Variants in ARHGAP26 observed in about 807,000 individuals in gnomAD.
ARHGAP26 encodes the protein Rho GTPase activating protein 26.
In ARHGAP26, 38 loss-of-function variants were observed where a neutral mutation model predicts 104.8. That is an observed-to-expected ratio of 0.36 (90% CI 0.28 to 0.48). The LOEUF is 0.48. Ranked by LOEUF, ARHGAP26 falls within the 20% of genes least tolerant of loss-of-function variation. The probability of loss-of-function intolerance (pLI) is 0.99; values close to 1 mark genes in which losing one functional copy is unlikely to be tolerated. For missense variants in ARHGAP26, 704 were observed against 947.9 expected (o/e 0.74, Z 3.38); for synonymous variants, 341 against 340.0 (o/e 1.00, Z -0.03).
intron 1 of ARHGAP26, among the ~76,000 whole-genome samples, chr5:142,852,886 A>C (rs182156076): frequency 6.6e-5 from 10 of 152,348 alleles, no homozygotes; most frequent in Admixed American, 6.5e-4. Context: ...CTGTCTCTGC[A>C]TGTCCTGTTG....
intron 17 of ARHGAP26, among the ~76,000 whole-genome samples, chr5:143,073,262 A>T (rs1156932227): frequency 6.6e-6 from 1 of 152,184 alleles, no homozygotes; most frequent in East Asian, 1.9e-4. Flanking sequence ...CAAAGCAAAA[A>T]TTGTAAGTTA....
chr5:142,996,405 A>G (rs1211210035), intron 11 of ARHGAP26, among the ~76,000 whole-genome samples: 2 of 152,128 alleles, frequency 1.3e-5, no homozygotes, highest in African/African-American at 4.8e-5. Flanking sequence ...AGGCAGGAGA[A>G]TTGCTTGAAC....
At chr5:143,149,782 G>GT (rs1562511134) in intron 20 of ARHGAP26, among the ~76,000 whole-genome samples, 1 of 152,156 alleles carries the variant, frequency 6.6e-6, no homozygotes, top group East Asian at 1.9e-4. Context: ...GAACAAAGGT[G>GT]GGCTGGGAGG....
At chr5:142,796,650 G>A (rs765819694) in intron 1 of ARHGAP26, among the ~76,000 whole-genome samples, 7 of 152,214 alleles carry the variant, frequency 4.6e-5, no homozygotes, top group East Asian at 1.9e-4. Flanking sequence ...AAGTTCAGAC[G>A]TCTTGATAGG....
intron 11 of ARHGAP26, among the ~76,000 whole-genome samples, chr5:142,979,426 A>G (rs1034837977): frequency 3.9e-5 from 6 of 152,216 alleles, no homozygotes; most frequent in African/African-American, 1.4e-4. Flanking sequence ...CAGAAAGTGG[A>G]TTCTTCCACC....
At chr5:142,786,126 A>T (rs867079853) in intron 1 of ARHGAP26, among the ~76,000 whole-genome samples, 1 of 150,292 alleles carries the variant, frequency 6.7e-6, no homozygotes, top group Non-Finnish European at 1.5e-5. Flanking sequence ...TTTTGCCACT[A>T]TGCCTGGCTA....
intron 17 of ARHGAP26, 64 bp downstream of exon 17, chr5:143,057,811 G>A: frequency 7.4e-7 from 1 of 1,358,312 alleles, no homozygotes; most frequent in Non-Finnish European, 1.1e-6. Context: ...TAGCAGTGAA[G>A]CTGGTCTCAG....
chr5:142,876,089 A>T (rs1756044101), intron 3 of ARHGAP26, among the ~76,000 whole-genome samples: 1 of 152,182 alleles, frequency 6.6e-6, no homozygotes, highest in East Asian at 1.9e-4. Flanking sequence ...TTCCACATCT[A>T]CAGGAAGTTC....
chr5:142,926,810 T>G (rs1763973208), intron 10 of ARHGAP26, among the ~76,000 whole-genome samples: 1 of 152,204 alleles, frequency 6.6e-6, no homozygotes, highest in Non-Finnish European at 1.5e-5. Flanking sequence ...AGCCGTAATT[T>G]TAACCTTACC....
chr5:143,099,539 C>T (rs1792909245), intron 17 of ARHGAP26, among the ~76,000 whole-genome samples: 1 of 152,216 alleles, frequency 6.6e-6, no homozygotes, highest in Non-Finnish European at 1.5e-5. Flanking sequence ...ATTTATTTTT[C>T]TATCTCAGCC....
At chr5:142,855,233 G>A (rs1445745841) in intron 1 of ARHGAP26, among the ~76,000 whole-genome samples, 1 of 152,182 alleles carries the variant, frequency 6.6e-6, no homozygotes, top group Non-Finnish European at 1.5e-5. Flanking sequence ...AGAAAGGGCA[G>A]GGGTGGGAAG....
At chr5:142,857,543 A>C (rs534047366) in intron 1 of ARHGAP26, among the ~76,000 whole-genome samples, 1 of 152,276 alleles carries the variant, frequency 6.6e-6, no homozygotes, top group East Asian at 1.9e-4. Context: ...TCCCTCCTGC[A>C]GCAAGGGAAG....
chr5:143,106,081 T>C (rs997194906), intron 17 of ARHGAP26, among the ~76,000 whole-genome samples: 1 of 152,198 alleles, frequency 6.6e-6, no homozygotes, highest in African/African-American at 2.4e-5. Flanking sequence ...ACTTTTTCTT[T>C]TGTTGTTTGT....
At chr5:142,836,781 C>T (rs1769661991) in intron 1 of ARHGAP26, among the ~76,000 whole-genome samples, 1 of 152,160 alleles carries the variant, frequency 6.6e-6, no homozygotes, top group African/African-American at 2.4e-5. Flanking sequence ...GGATCAGATA[C>T]CATACTAGGC....
At chr5:143,114,359 A>C (rs1795154622) in intron 17 of ARHGAP26, among the ~76,000 whole-genome samples, 1 of 152,176 alleles carries the variant, frequency 6.6e-6, no homozygotes, top group Admixed American at 6.5e-5. Context: ...CACCGAGTCC[A>C]GGTAGTATTC....
intron 12 of ARHGAP26, among the ~76,000 whole-genome samples, chr5:143,021,613 G>A (rs1187937367): frequency 6.6e-6 from 1 of 152,190 alleles, no homozygotes; most frequent in Admixed American, 6.5e-5. Context: ...CTTTGGACAG[G>A]TGGTGCGCCT....
At chr5:143,173,591 A>G (rs1803085701) in intron 20 of ARHGAP26, among the ~76,000 whole-genome samples, 1 of 152,214 alleles carries the variant, frequency 6.6e-6, no homozygotes, top group African/African-American at 2.4e-5. Flanking sequence ...TAATCCTCAC[A>G]GTCACTTCTG....
chr5:143,123,475 G>C (rs1336631752), intron 18 of ARHGAP26, among the ~76,000 whole-genome samples: 1 of 152,158 alleles, frequency 6.6e-6, no homozygotes, highest in East Asian at 1.9e-4. Flanking sequence ...TAAACTCCCT[G>C]CCAATAGAAC....
At chr5:143,115,713 T>C (rs1795353713) in intron 17 of ARHGAP26, among the ~76,000 whole-genome samples, 1 of 152,198 alleles carries the variant, frequency 6.6e-6, no homozygotes, top group African/African-American at 2.4e-5. Flanking sequence ...TGCAGAATCA[T>C]ACTTAATCAG....
Sources: allele counts gnomAD v4.1 joint callset (sites outside exome capture counted in the v4.1 genomes callset), GRCh38; gene constraint gnomAD v4.1.1; transcripts MANE v1.5; gene names NCBI Gene and HGNC (gene_info 2026-07-23, HGNC 2026-07-21).